The following PHIP variants were observed in gnomAD, a reference collection of about 807,000 sequenced individuals.
PHIP encodes the protein PH-interacting protein.
Under a neutral mutation model 236.8 loss-of-function variants are expected in PHIP, and 54 were observed. The ratio of observed to expected loss-of-function variants is 0.23; its 90% CI spans 0.18 to 0.29. PHIP has a LOEUF of 0.29. Ranked by LOEUF, PHIP falls within the 10% of genes least tolerant of loss-of-function variation. PHIP has a pLI of 1.00. For synonymous variants in PHIP, 756 were observed against 718.9 expected (o/e 1.05, Z -0.83); for missense variants, 1,370 against 2,190.8 (o/e 0.63, Z 7.48).
intron 35 of PHIP, 50 bp from the exon 36 acceptor site, chr6:78,947,825 CA>C (rs1226966488): frequency 7.6e-7 from 1 of 1,323,746 alleles, no homozygotes; most frequent in Non-Finnish European, 1.1e-6. Context: ...CACAAAGCAT[CA>C]CTTCTCAGTG....
At chr6:79,028,810 T>A (rs1046519993) in intron 7 of PHIP, among the ~76,000 whole-genome samples, 1 of 152,210 alleles carries the variant, frequency 6.6e-6, no homozygotes, top group Non-Finnish European at 1.5e-5. Flanking sequence ...ATATCATTCT[T>A]ATGAATCTTT....
chr6:78,944,305 AG>A (rs1773682991), intron 39 of PHIP, among the ~76,000 whole-genome samples: 1 of 152,186 alleles, frequency 6.6e-6, no homozygotes, highest in Non-Finnish European at 1.5e-5. Flanking sequence ...TTTGAAGGCA[AG>A]GAAGTGTTTT....
At chr6:79,063,946 G>GCTA (rs1225318643) in intron 4 of PHIP, among the ~76,000 whole-genome samples, 3 of 152,004 alleles carry the variant, frequency 2.0e-5, no homozygotes, top group African/African-American at 7.2e-5. Flanking sequence ...AACAAACAAT[G>GCTA]CTATTATCCT....
chr6:79,023,150 C>T (rs1229114241), intron 9 of PHIP, among the ~76,000 whole-genome samples: 1 of 152,214 alleles, frequency 6.6e-6, no homozygotes, highest in Admixed American at 6.5e-5. Context: ...GAGATCACAG[C>T]TCACTTCAGC....
Position 78,939,365 on chromosome 6 carries a change from A to G in PHIP, c.*1328T>C, listed in dbSNP as rs1171479363. 2 of 151,820 alleles carry G rather than the reference A, an allele frequency of 1.3e-5. No homozygotes were observed. Among genetic ancestry groups the G allele is most frequent in the Non-Finnish European group, 3.0e-5 (2 of 67,708 alleles). 9.4% of individuals were successfully genotyped at this position (151,820 alleles called of 1,614,324 possible). A position where few individuals can be genotyped will look rare whatever the true frequency, so the allele number is the denominator to read the frequency against. ...TACCAGCATGATAAGGATACCGTAA[A>G]AAGTGCAGAAAAAACACAATGTGCA... On this transcript the variant is annotated 3_prime_UTR_variant, in exon 40 of 40. Coordinates refer to ENST00000275034, the MANE Select transcript of PHIP (RefSeq NM_017934.7).
intron 6 of PHIP, among the ~76,000 whole-genome samples, chr6:79,058,807 T>C (rs1322414479): frequency 6.6e-6 from 1 of 152,084 alleles, no homozygotes; most frequent in Non-Finnish European, 1.5e-5. Context: ...TGACTGACAA[T>C]GTACTGAAAG....
intron 19 of PHIP, among the ~76,000 whole-genome samples, chr6:78,992,483 T>C (rs769427312): frequency 4.8e-5 from 7 of 144,970 alleles, no homozygotes; most frequent in Admixed American, 6.8e-5. Context: ...AGATAGTGCA[T>C]TTTTTTTTTT....
rs371231167 is a variant in PHIP at position 78,955,586 on chromosome 6, T to C, written c.3852+27A>G. On this transcript the variant is annotated intron_variant, in intron 33 of 39. Transcript: ENST00000275034. Reference sequence around the variant, plus strand: ...TTTTTTTATATAGAGAATATCAATATGGTAATAATAATGAAATATTACATA... The same window carrying C: ...TTTTTTTATATAGAGAATATCAATACGGTAATAATAATGAAATATTACATA... 1.1e-5 allele frequency: 8 copies of C among 736,934 alleles called. No individual in the cohort carries two copies. In the African/African-American group the frequency reaches 1.4e-4, roughly 13 times the overall value. The allele number at this position is 736,934 out of a possible 1,614,324, so 45.6% of individuals were successfully genotyped here.
At chr6:79,009,131 C>T (rs192577858) in intron 15 of PHIP, among the ~76,000 whole-genome samples, 128 of 152,140 alleles carry the variant, frequency 8.4e-4, no homozygotes, top group African/African-American at 2.9e-3. Flanking sequence ...CTTAGCTTCT[C>T]GACCATCCTA....
chr6:79,051,501 C>G (rs911461830), intron 6 of PHIP, among the ~76,000 whole-genome samples: 7 of 152,112 alleles, frequency 4.6e-5, no homozygotes, highest in African/African-American at 1.7e-4. Context: ...AATCAGTATG[C>G]ACAGCAGCTA....
Position 78,969,883 on chromosome 6 carries a change from C to T in PHIP, c.3157G>A (p.Val1053Ile). The T allele has an allele frequency of 6.2e-7, 1 of 1,600,560 alleles. No individual in the cohort carries two copies. The highest frequency in any genetic ancestry group is 8.5e-7 in the Non-Finnish European group (1 of 1,170,098). Residue 1053 changes from valine to isoleucine, a missense_variant, in exon 27 of 40, where the codon GTC becomes ATC. This residue lies in a region of PHIP where 238 missense variants were observed against 398.5 expected (regional missense o/e 0.60). Transcript: ENST00000275034. ...HDMPDVIDFL[V>I]LRQQFDDAKY... ...GCATCATCAAATTGTTGTCTCAAGA[C>T]TAGGAAATCTATAACGTCAGGCATA...
intron 4 of PHIP, among the ~76,000 whole-genome samples, chr6:79,072,702 G>T (rs2127781073): frequency 6.6e-6 from 1 of 151,860 alleles, no homozygotes; most frequent in South Asian, 2.1e-4. Flanking sequence ...GTCCAGGCTG[G>T]TCTCCAACTC....
At chr6:78,958,744 C>T (rs1766583288) in intron 31 of PHIP, 144 bp from the exon 32 acceptor site, 2 of 624,994 alleles carry the variant, frequency 3.2e-6, no homozygotes, top group Non-Finnish European at 5.7e-6. Context: ...ATTTTCAAAG[C>T]AGCATAACTG....
chr6:79,011,250 T>C (rs1292498816), intron 15 of PHIP, among the ~76,000 whole-genome samples: 3 of 151,914 alleles, frequency 2.0e-5, no homozygotes, highest in Non-Finnish European at 4.4e-5. Context: ...ACATTTCCTC[T>C]GAATACTCAA....
chr6:79,052,164 A>G (rs1020482721), intron 6 of PHIP, among the ~76,000 whole-genome samples: 2 of 152,200 alleles, frequency 1.3e-5, no homozygotes, highest in Non-Finnish European at 2.9e-5. Flanking sequence ...AGGGTTCTAA[A>G]CACGTTGGGG....
intron 24 of PHIP, among the ~76,000 whole-genome samples, chr6:78,971,871 G>A (rs1767592798): frequency 6.6e-6 from 1 of 152,184 alleles, no homozygotes; most frequent in South Asian, 2.1e-4. Context: ...CTGGCTCGGA[G>A]GGTCCTACCC....
chr6:78,985,638 C>T lies in PHIP; in HGVS notation c.2461-210G>A, dbSNP rs9352682. On this transcript the variant is annotated intron_variant, in intron 21 of 39. Coordinates refer to ENST00000275034, the MANE Select transcript of PHIP (RefSeq NM_017934.7). Reference sequence around the variant, plus strand: ...GGCAGATCACTTAAGGTTAGGGGTTCGAGACCAGCCTGGCCAACGTGGCGA... The same window carrying T: ...GGCAGATCACTTAAGGTTAGGGGTTTGAGACCAGCCTGGCCAACGTGGCGA... 2.2e-3 allele frequency among the ~76,000 whole-genome samples: 334 copies of T among 152,080 alleles called. 2 individuals carry two copies. The highest frequency in any genetic ancestry group is 3.4e-3 in the Middle Eastern group (1 of 294).
At chr6:78,971,862 T>C (rs1462487876) in intron 24 of PHIP, among the ~76,000 whole-genome samples, 7 of 152,200 alleles carry the variant, frequency 4.6e-5, no homozygotes, top group Admixed American at 2.6e-4. Flanking sequence ...ATCCCGCACC[T>C]GGCTCGGAGG....
At chr6:79,068,754 G>C (rs1773748103) in intron 4 of PHIP, among the ~76,000 whole-genome samples, 1 of 152,024 alleles carries the variant, frequency 6.6e-6, no homozygotes. Context: ...AATCTAAATA[G>C]GAAAAAAATT....
Sources: allele counts gnomAD v4.1 joint callset (sites outside exome capture counted in the v4.1 genomes callset), GRCh38; gene constraint gnomAD v4.1.1; regional missense constraint gnomAD v4.1.1; transcripts MANE v1.5; gene names NCBI Gene and HGNC (gene_info 2026-07-23, HGNC 2026-07-21).